The following HENMT1 variants were observed in gnomAD, a reference collection of about 807,000 sequenced individuals.
The protein encoded by HENMT1 is small RNA 2'-O-methyltransferase.
Under a neutral mutation model 31.1 loss-of-function variants are expected in HENMT1, and 27 were observed. The ratio of observed to expected loss-of-function variants is 0.87; its 90% confidence interval spans 0.64 to 1.20. HENMT1 has a LOEUF of 1.20. Among genes scored for constraint, HENMT1 ranks in the 50% most tolerant of loss-of-function variants. The probability of loss-of-function intolerance (pLI) is 0.00; values close to 1 mark genes in which losing one functional copy is unlikely to be tolerated. For missense variants in HENMT1, 438 were observed against 469.6 expected, an observed-to-expected ratio of 0.93 and a Z score of 0.62; for synonymous variants, 167 against 172.2, an observed-to-expected ratio of 0.97 and a Z score of 0.24.
At chr1:108,655,041 T>A (rs781731565) in intron 4 of HENMT1, among the ~76,000 whole-genome samples, 191 bp from the exon 5 acceptor site, 2 of 152,200 alleles carry the variant, frequency 1.3e-5, no homozygotes, top group East Asian at 3.9e-4. Flanking sequence ...GGGAAGTTAC[T>A]GGCCAATGAA....
chr1:108,656,350 G>C (rs1223737688), intron 3 of HENMT1, among the ~76,000 whole-genome samples: 1 of 152,132 alleles, frequency 6.6e-6, no homozygotes, highest in Non-Finnish European at 1.5e-5. Context: ...GAAAAAGAAA[G>C]CTTTCATCTA....
chr1:108,648,477 T>C lies in HENMT1; in HGVS notation c.*89A>G. ...TTTTGCAGTGAAACTTTAAAAACAT[T>C]ACTTGAATTAGGATTACACAAAAAA... On this transcript the variant is annotated 3_prime_UTR_variant, in exon 8 of 8. Coordinates refer to ENST00000651461, the MANE Select transcript of HENMT1 (RefSeq NM_001102592.2). 9.1e-7 allele frequency: 1 copy of C among 1,096,984 alleles called. No homozygotes were observed. Among genetic ancestry groups the C allele is most frequent in the Non-Finnish European group, 1.3e-6 (1 of 772,566 alleles). 68.0% of individuals were successfully genotyped at this position (1,096,984 alleles called of 1,614,324 possible). A position where few individuals can be genotyped will look rare whatever the true frequency, so the allele number is the denominator to read the frequency against.
chr1:108,653,356 C>T (rs1205398886), intron 5 of HENMT1, among the ~76,000 whole-genome samples: 1 of 152,164 alleles, frequency 6.6e-6, no homozygotes, highest in Non-Finnish European at 1.5e-5. Flanking sequence ...TACTGATGGA[C>T]ATTTAGGTAG....
chr1:108,655,918 G>A lies in HENMT1; in HGVS notation c.151-220C>T, dbSNP rs531828456. Among the ~76,000 whole-genome samples, 4 of 148,930 alleles carry A rather than the reference G, an allele frequency of 2.7e-5. No homozygotes were observed. In the South Asian group the frequency reaches 8.5e-4, roughly 32 times the overall value. On this transcript the variant is annotated intron_variant, in intron 3 of 7. Transcript: ENST00000651461. The stretch of plus-strand genomic sequence containing the variant: ...TAACCTGAAACTTTATAAGCCCATA[G>A]GCAAATTTCTATTTGATCACACTAA...
At chr1:108,650,078 G>A (rs1352279994) in intron 7 of HENMT1, 133 bp downstream of exon 7, 1 of 821,064 alleles carries the variant, frequency 1.2e-6, no homozygotes, top group African/African-American at 1.7e-5. Context: ...GGGGCCTGAA[G>A]AATTCTCCTA....
intron 3 of HENMT1, among the ~76,000 whole-genome samples, chr1:108,656,168 T>G (rs1658233626): frequency 6.6e-6 from 1 of 152,158 alleles, no homozygotes; most frequent in Non-Finnish European, 1.5e-5. Flanking sequence ...TACTGAACTC[T>G]GAGCTGCCAA....
Position 108,651,070 on chromosome 1 carries a change from C to G in HENMT1, c.538G>C (p.Asp180His). 1 of 1,614,062 alleles carries G rather than the reference C, an allele frequency of 6.2e-7. No homozygotes were observed. Among genetic ancestry groups the G allele is most frequent in the Non-Finnish European group, 8.5e-7 (1 of 1,179,932 alleles). Residue 180 changes from aspartate (D) to histidine (H), a missense_variant, in exon 6 of 8, where the codon GAT becomes CAT. Physicochemically the swap from Asp to His is moderately conservative, Grantham distance 81. Transcript: ENST00000651461. ...ATTCTGGTCCACTCAAATTTATGAT[C>G]TGAATCTCTTAAGGTCACTGATGGA... ...LFPSVTLRDS[D>H]HKFEWTRMEF...
chr1:108,649,555 A>T (rs1233692051), intron 7 of HENMT1: 6 of 358,938 alleles, frequency 1.7e-5, no homozygotes, highest in Non-Finnish European at 3.3e-5. Context: ...ATTCAAGGTT[A>T]CAGTGAGCCA....
chr1:108,654,670 G>C (rs1432292225), intron 5 of HENMT1, 46 bp downstream of exon 5: 1 of 1,583,284 alleles, frequency 6.3e-7, no homozygotes. Context: ...GACTTATTCA[G>C]GCTTTTCAAA....
chr1:108,655,516 A>G, intron 4 of HENMT1, 70 bp downstream of exon 4: 1 of 853,054 alleles, frequency 1.2e-6, no homozygotes, highest in Non-Finnish European at 1.8e-6. Flanking sequence ...TAAAATCAAC[A>G]CTTTCTCTAA....
At chr1:108,650,893 C>T (rs1477177299) in intron 6 of HENMT1, 137 bp downstream of exon 6, 2 of 662,008 alleles carry the variant, frequency 3.0e-6, no homozygotes, top group East Asian at 2.7e-5. Flanking sequence ...TTATTACATA[C>T]TAAGTCACAC....
intron 5 of HENMT1, among the ~76,000 whole-genome samples, chr1:108,653,518 A>G (rs772517380): frequency 6.6e-6 from 1 of 152,186 alleles, no homozygotes; most frequent in Non-Finnish European, 1.5e-5. Flanking sequence ...AAACCTCCAC[A>G]CTGTTTTCAA....
intron 2 of HENMT1, among the ~76,000 whole-genome samples, chr1:108,658,131 A>T (rs1396032314): frequency 3.6e-4 from 51 of 142,192 alleles, no homozygotes; most frequent in African/African-American, 1.4e-3. Context: ...ATATATATAT[A>T]TATTTTTTTT....
intron 5 of HENMT1, 105 bp downstream of exon 5, chr1:108,654,611 T>C (rs1302409824): frequency 9.0e-7 from 1 of 1,107,608 alleles, no homozygotes; most frequent in Non-Finnish European, 1.3e-6. Flanking sequence ...TGAGCAGTTT[T>C]CCTTACAATA....
chr1:108,650,842 C>A (rs1275142759), intron 6 of HENMT1, among the ~76,000 whole-genome samples, 188 bp downstream of exon 6: 5 of 152,212 alleles, frequency 3.3e-5, no homozygotes, highest in African/African-American at 9.7e-5. Flanking sequence ...AACCACACCC[C>A]CTTTCCACAC....
intron 5 of HENMT1, 86 bp downstream of exon 5, chr1:108,654,630 C>G (rs1570635095): frequency 1.5e-6 from 2 of 1,302,180 alleles, no homozygotes; most frequent in Non-Finnish European, 2.1e-6. Flanking sequence ...TAATCAAGAC[C>G]TATTATATTT....
chr1:108,658,336 T>C (rs1658329679), intron 2 of HENMT1, among the ~76,000 whole-genome samples: 2 of 152,284 alleles, frequency 1.3e-5, no homozygotes, highest in South Asian at 2.1e-4. Flanking sequence ...GGTTTCACCA[T>C]GTTGGCCAGG....
At chr1:108,660,353 G>A (rs142016383) in intron 1 of HENMT1, among the ~76,000 whole-genome samples, 349 of 152,170 alleles carry the variant, frequency 2.3e-3, no homozygotes, top group African/African-American at 8.2e-3. Flanking sequence ...TTACTATCAT[G>A]AATAGTTCAA....
At chr1:108,659,232 A>G (rs543259007) in intron 2 of HENMT1, among the ~76,000 whole-genome samples, 10 of 152,298 alleles carry the variant, frequency 6.6e-5, no homozygotes, top group Admixed American at 4.6e-4. Context: ...CTTTTTTCCA[A>G]TAATGTAATC....
Sources: allele counts gnomAD v4.1 joint callset (sites outside exome capture counted in the v4.1 genomes callset), GRCh38; gene constraint gnomAD v4.1.1; transcripts MANE v1.5; gene names NCBI Gene and HGNC (gene_info 2026-07-23, HGNC 2026-07-21).